ATCAY: variants seen among roughly 807,000 people sequenced by gnomAD.
ATCAY encodes the protein caytaxin.
A neutral mutation model predicts 47.7 loss-of-function variants in ATCAY; 22 were observed. The ratio of observed to expected loss-of-function variants is 0.46; its 90% CI spans 0.33 to 0.66. The LOEUF (loss-of-function observed/expected upper bound fraction) is 0.66, where lower values mean the gene tolerates loss of function less well. Ranked by LOEUF, ATCAY falls within the 30% of genes least tolerant of loss-of-function variation. ATCAY has a pLI of 0.02. For synonymous variants in ATCAY, 216 were observed against 207.6 expected, an observed-to-expected ratio of 1.04 and a Z score of -0.35; for missense variants, 452 against 515.0, an observed-to-expected ratio of 0.88 and a Z score of 1.18.
intron 2 of ATCAY, among the ~76,000 whole-genome samples, chr19:3,892,926 C>T (rs914870702): frequency 2.0e-5 from 3 of 151,946 alleles, no homozygotes; most frequent in African/African-American, 7.2e-5. Context: ...AAAATTTACC[C>T]TCAATTGTAC....
intron 12 of ATCAY, 93 bp from the exon 13 acceptor site, chr19:3,924,490 G>T: frequency 6.7e-7 from 1 of 1,483,876 alleles, no homozygotes; most frequent in Non-Finnish European, 9.4e-7. Context: ...CACGCTGGGT[G>T]GGATCATTGT....
At chr19:3,921,226 T>C (rs566733755) in intron 12 of ATCAY, among the ~76,000 whole-genome samples, 1 of 152,118 alleles carries the variant, frequency 6.6e-6, no homozygotes. Flanking sequence ...AAAGCCTCCC[T>C]GTGGCCGGGC....
chr19:3,908,381 G>GC lies in ATCAY; in HGVS notation c.647+14dup. 2 of 1,572,800 alleles carry GC rather than the reference G, an allele frequency of 1.3e-6. No homozygotes were observed. Among genetic ancestry groups the GC allele is most frequent in the Non-Finnish European group, 1.7e-6 (2 of 1,158,430 alleles). ...GGAGAACCTCTTCCTGTGAGTCCCC[G>GC]CCCGCGGCGAGCAGCCTCGGGCCAG... On this transcript the variant is annotated intron_variant, in intron 6 of 12. Coordinates refer to ENST00000450849, the MANE Select transcript of ATCAY (RefSeq NM_033064.5).
rs1309745319 is a variant in ATCAY, at chr19:3,927,124, G to C, written c.*2532G>C. 1 of 152,250 alleles carries C rather than the reference G, an allele frequency of 6.6e-6. No homozygotes were observed. Among genetic ancestry groups the C allele is most frequent in the African/African-American group, 2.4e-5 (1 of 41,444 alleles). 9.4% of individuals were successfully genotyped at this position (152,250 alleles called of 1,614,324 possible). On this transcript the variant is annotated 3_prime_UTR_variant, in exon 13 of 13. Transcript: ENST00000450849. Reference sequence around the variant, plus strand: ...TAGTCCCAGCTACTCAGGAGGCTGAGGTAGAAGAATAGCTGGAACCCAGGA... The same window carrying C: ...TAGTCCCAGCTACTCAGGAGGCTGACGTAGAAGAATAGCTGGAACCCAGGA...
intron 9 of ATCAY, among the ~76,000 whole-genome samples, chr19:3,914,214 C>T (rs1347286509): frequency 4.8e-5 from 6 of 124,230 alleles, no homozygotes; most frequent in Non-Finnish European, 6.1e-5. Context: ...CCAGCCTGGG[C>T]CACAGAGCGA....
intron 1 of ATCAY, among the ~76,000 whole-genome samples, chr19:3,885,447 G>A (rs555855539): frequency 1.3e-5 from 2 of 152,132 alleles, no homozygotes; most frequent in South Asian, 4.2e-4. Context: ...CCAGCTACTT[G>A]GGAGGCTGAG....
At position 3,911,027 on chromosome 19, in the gene ATCAY, T is replaced by C. The variant is rs1014230374; in HGVS notation, c.866+138T>C. 1.2e-5 allele frequency: 11 copies of C among 922,704 alleles called. No homozygotes were observed. The Admixed American group carries it at 1.7e-4, about 14-fold the overall frequency. The allele number at this position is 922,704 out of a possible 1,614,324, so 57.2% of individuals were successfully genotyped here. On this transcript the variant is annotated intron_variant, in intron 8 of 12. Transcript: ENST00000450849. ...TGTGTGTGTGCATCCATGTGTGTGT[T>C]TGATGTGCATGTTCCAGCTTCTCTA...
intron 11 of ATCAY, among the ~76,000 whole-genome samples, chr19:3,919,745 C>A (rs2039000062): frequency 2.3e-5 from 3 of 131,122 alleles, no homozygotes; most frequent in Admixed American, 8.6e-5. Context: ...CAGAGCAAGA[C>A]CCTGTCTCAA....
intron 2 of ATCAY, among the ~76,000 whole-genome samples, chr19:3,889,133 G>T (rs960871485): frequency 3.2e-4 from 49 of 152,166 alleles, no homozygotes; most frequent in African/African-American, 1.2e-3. Context: ...ACAAAAACTG[G>T]CTGGGCCTAG....
chr19:3,890,667 C>T (rs1278934250), intron 2 of ATCAY, among the ~76,000 whole-genome samples: 6 of 152,270 alleles, frequency 3.9e-5, no homozygotes, highest in African/African-American at 9.6e-5. Flanking sequence ...TTCTGGAAGG[C>T]GCGAGGCCAG....
intron 2 of ATCAY, among the ~76,000 whole-genome samples, chr19:3,890,247 ATTTTTTTTTTTT>A (rs764697276): frequency 2.9e-4 from 11 of 38,570 alleles, no homozygotes; most frequent in East Asian, 2.4e-3. Flanking sequence ...TCCACCTATA[ATTTTTTTTTTTT>A]TTTTTTTTTT....
At chr19:3,904,498 T>C (rs993932198) in intron 3 of ATCAY, among the ~76,000 whole-genome samples, 1 of 152,216 alleles carries the variant, frequency 6.6e-6, no homozygotes, top group East Asian at 1.9e-4. Context: ...CAACATCAAC[T>C]CTTCCCTAGG....
At chr19:3,895,719 T>C (rs1372373778) in intron 2 of ATCAY, among the ~76,000 whole-genome samples, 1 of 135,922 alleles carries the variant, frequency 7.4e-6, no homozygotes, top group African/African-American at 2.6e-5. Context: ...TTCTTTTCTT[T>C]TTTTTTTTTT....
intron 2 of ATCAY, among the ~76,000 whole-genome samples, chr19:3,888,682 G>A (rs147126789): frequency 2.8e-4 from 43 of 152,192 alleles, no homozygotes; most frequent in Non-Finnish European, 4.0e-4. Flanking sequence ...AGAGGGTTCC[G>A]GAGGGCAGAA....
intron 2 of ATCAY, among the ~76,000 whole-genome samples, chr19:3,896,080 G>A (rs900137984): frequency 6.6e-6 from 1 of 152,028 alleles, no homozygotes; most frequent in African/African-American, 2.4e-5. Context: ...TTCAACTCTT[G>A]GGCTTAAGTG....
chr19:3,922,387 G>A lies in ATCAY; in HGVS notation c.1106+1589G>A, dbSNP rs142074838. 1.3e-4 allele frequency among the ~76,000 whole-genome samples: 20 copies of A among 152,298 alleles called. No homozygotes were observed. In the East Asian group the frequency reaches 2.1e-3, roughly 16 times the overall value. ...CACCTCTTCACCAGGCAGCAGGAGC[G>A]AGAAGTGCTGAGCAAAGGGGGGAAA... On this transcript the variant is annotated intron_variant, in intron 12 of 12. Coordinates refer to ENST00000450849, the MANE Select transcript of ATCAY (RefSeq NM_033064.5).
chr19:3,918,165 G>A (rs977415949), intron 10 of ATCAY, among the ~76,000 whole-genome samples: 3 of 151,984 alleles, frequency 2.0e-5, no homozygotes, highest in African/African-American at 4.8e-5. Flanking sequence ...CAGGAGGATT[G>A]TGTGAGGTCA....
chr19:3,881,874 C>CG (rs1555765212), intron 1 of ATCAY, among the ~76,000 whole-genome samples: 1 of 146,478 alleles, frequency 6.8e-6, no homozygotes, highest in African/African-American at 2.6e-5. Flanking sequence ...CCGCCCCCCC[C>CG]CCGACCCCAT....
chr19:3,886,268 G>C (rs563748786), intron 2 of ATCAY, among the ~76,000 whole-genome samples: 114 of 152,182 alleles, frequency 7.5e-4, no homozygotes, highest in African/African-American at 1.8e-3. Flanking sequence ...GGCCAACATG[G>C]CAAAACCGCG....
Sources: gnomAD v4.1 joint callset for allele counts (sites outside exome capture counted in the v4.1 genomes callset) on GRCh38, gnomAD v4.1.1 for gene constraint, MANE v1.5 for transcripts, NCBI Gene and HGNC (gene_info 2026-07-23, HGNC 2026-07-21) for gene names.